The following RGS22 variants were observed in gnomAD, a reference collection of about 807,000 sequenced individuals.
RGS22 encodes regulator of G protein signaling 22.
Under a neutral mutation model 172.9 loss-of-function variants are expected in RGS22, and 148 were observed. That is an observed-to-expected ratio of 0.86 (90% CI 0.75 to 0.98). The LOEUF is 0.98. RGS22 is among the 50% of genes least tolerant of loss of function. RGS22 has a pLI of 0.00. For synonymous variants in RGS22, 458 were observed against 480.2 expected, an observed-to-expected ratio of 0.95 and a Z score of 0.60; for missense variants, 1,347 against 1,440.8, an observed-to-expected ratio of 0.93 and a Z score of 1.05.
At chr8:100,085,244 T>C (rs1812076899) in intron 3 of RGS22, among the ~76,000 whole-genome samples, 1 of 152,332 alleles carries the variant, frequency 6.6e-6, no homozygotes, top group East Asian at 1.9e-4. Flanking sequence ...TGTTAGCTCA[T>C]TCATTTATTC....
chr8:100,009,498 G>A (rs1218753012), intron 14 of RGS22, among the ~76,000 whole-genome samples: 1 of 150,108 alleles, frequency 6.7e-6, no homozygotes, highest in Non-Finnish European at 1.5e-5. Flanking sequence ...ACAAATATCT[G>A]TTCCATTCTA....
At chr8:100,005,873 G>C (rs2131353914) in intron 16 of RGS22, 144 bp downstream of exon 16, 2 of 558,992 alleles carry the variant, frequency 3.6e-6, no homozygotes, top group South Asian at 5.2e-5. Flanking sequence ...CCTGTCAAAT[G>C]CAGCATGCTA....
At chr8:100,080,431 T>C in intron 3 of RGS22, 76 bp from the exon 4 acceptor site, 4 of 1,010,594 alleles carry the variant, frequency 4.0e-6, no homozygotes, top group Non-Finnish European at 2.9e-6. Context: ...ACTTGTGGTT[T>C]ACATACATGC....
chr8:100,090,741 C>T (rs1370780639), intron 3 of RGS22, among the ~76,000 whole-genome samples: 1 of 151,982 alleles, frequency 6.6e-6, no homozygotes, highest in East Asian at 1.9e-4. Context: ...GGTAGAAAGA[C>T]CCTGAGTATA....
At chr8:100,032,192 T>C (rs1267411180) in intron 14 of RGS22, among the ~76,000 whole-genome samples, 2 of 152,172 alleles carry the variant, frequency 1.3e-5, no homozygotes, top group African/African-American at 4.8e-5. Context: ...GTAAATGGGC[T>C]AAATGCCCCA....
intron 14 of RGS22, among the ~76,000 whole-genome samples, chr8:100,014,487 C>A (rs1469384525): frequency 6.6e-6 from 1 of 152,168 alleles, no homozygotes; most frequent in Non-Finnish European, 1.5e-5. Context: ...TCACTAAAAA[C>A]CACATAATCG....
intron 12 of RGS22, among the ~76,000 whole-genome samples, chr8:100,041,351 C>A (rs1269247673): frequency 6.6e-6 from 1 of 151,924 alleles, no homozygotes; most frequent in East Asian, 1.9e-4. Context: ...GTTAGCCAGG[C>A]GTGGTGGTGT....
intron 3 of RGS22, among the ~76,000 whole-genome samples, chr8:100,081,596 T>C (rs1308812029): frequency 6.6e-6 from 1 of 152,006 alleles, no homozygotes; most frequent in Non-Finnish European, 1.5e-5. Flanking sequence ...CTTCAATAGA[T>C]ATATTTCATT....
intron 18 of RGS22, among the ~76,000 whole-genome samples, chr8:100,001,564 A>C (rs1815093255): frequency 1.3e-5 from 2 of 152,138 alleles, no homozygotes; most frequent in South Asian, 4.1e-4. Context: ...CAATCTAATG[A>C]CACTGTAGTT....
intron 6 of RGS22, among the ~76,000 whole-genome samples, chr8:100,067,522 A>T (rs1461833235): frequency 6.6e-6 from 1 of 152,062 alleles, no homozygotes; most frequent in Non-Finnish European, 1.5e-5. Flanking sequence ...GGTCCTTGCT[A>T]TTTCAACTGC....
At chr8:100,029,518 A>G (rs1340090863) in intron 14 of RGS22, among the ~76,000 whole-genome samples, 1 of 152,060 alleles carries the variant, frequency 6.6e-6, no homozygotes, top group Admixed American at 6.6e-5. Flanking sequence ...CCTGACCAGC[A>G]TGGTGAAACC....
rs202105699 is a variant in RGS22, at chr8:100,047,577, G to A, written c.1709C>T (p.Ser570Leu). 2 of 1,608,188 alleles carry A rather than the reference G, an allele frequency of 1.2e-6. No homozygotes were observed. Among genetic ancestry groups the A allele is most frequent in the Non-Finnish European group, 1.7e-6 (2 of 1,178,398 alleles). The change falls in exon 11 of 28, where the codon TCA (serine) becomes TTA (leucine). Residue 570 changes from serine to leucine, a missense_variant. Ser to Leu is a moderately radical substitution (Grantham distance 145). Transcript: ENST00000360863. Reference protein sequence around the residue: ...PEIQKEEFSLSQPPKSPNKSP... With the variant: ...PEIQKEEFSLLQPPKSPNKSP... The stretch of plus-strand genomic sequence containing the variant: ...TTTATTGGGAGATTTAGGAGGTTGT[G>A]ATAAGCTGAATTCTTCTTTCTAAAA...
chr8:100,062,758 A>C lies in RGS22; in HGVS notation c.1353-6T>G, dbSNP rs770969079. The C allele has an allele frequency of 1.8e-5, 29 of 1,591,920 alleles. No individual in the cohort carries two copies. The South Asian group carries it at 3.3e-4, about 18-fold the overall frequency. On this transcript the variant is annotated splice_region_variant and splice_polypyrimidine_tract_variant and intron_variant, in intron 8 of 27. Coordinates refer to ENST00000360863, the MANE Select transcript of RGS22 (RefSeq NM_015668.5). Reference sequence around the variant, plus strand: ...TTTTCATCTTCTCAAGATGTCTGAAATAAAACACATTTCCATATATACACA... The same window carrying C: ...TTTTCATCTTCTCAAGATGTCTGAACTAAAACACATTTCCATATATACACA...
intron 2 of RGS22, among the ~76,000 whole-genome samples, chr8:100,097,178 C>G (rs3101314): frequency 0.16 from 24,943 of 152,050 alleles, 2,755 homozygotes; most frequent in African/African-American, 0.31. Flanking sequence ...AATCAACTGA[C>G]AAGGAGCTTG....
rs556050249 is a variant in RGS22, at chr8:99,996,444, A to G, written c.3018+18T>C. ...GAGCAAAACTTACAAGAGGAAGAATATAACAAACATTACTTGCCTTCCAGA... is the reference window on the plus strand; with the variant it reads ...GAGCAAAACTTACAAGAGGAAGAATGTAACAAACATTACTTGCCTTCCAGA... On this transcript the variant is annotated intron_variant, in intron 20 of 27. Transcript: ENST00000360863. 49 of 1,600,174 alleles carry G rather than the reference A, an allele frequency of 3.1e-5. No homozygotes were observed. The highest frequency in any genetic ancestry group is 5.5e-5 in the South Asian group (5 of 90,598).
intron 22 of RGS22, 52 bp downstream of exon 22, chr8:99,981,885 G>A: frequency 6.7e-7 from 1 of 1,496,808 alleles, no homozygotes. Context: ...ATCTTTAAAA[G>A]GATTGTCAAT....
intron 21 of RGS22, among the ~76,000 whole-genome samples, chr8:99,984,994 G>A (rs1812934840): frequency 6.6e-6 from 1 of 152,100 alleles, no homozygotes; most frequent in Non-Finnish European, 1.5e-5. Flanking sequence ...TTGTACAACT[G>A]GGTTCTTTCC....
At chr8:100,013,902 T>C (rs183965058) in intron 14 of RGS22, among the ~76,000 whole-genome samples, 1 of 152,306 alleles carries the variant, frequency 6.6e-6, no homozygotes, top group East Asian at 1.9e-4. Context: ...CTCAAGTTCC[T>C]ACTAAAAACA....
At chr8:99,981,825 G>T in intron 22 of RGS22, 112 bp downstream of exon 22, 1 of 865,380 alleles carries the variant, frequency 1.2e-6, no homozygotes, top group Non-Finnish European at 1.6e-6. Flanking sequence ...GCCTCCCAAA[G>T]TGCTGGGATT....
Sources: gnomAD v4.1 joint callset for allele counts (sites outside exome capture counted in the v4.1 genomes callset) on GRCh38, gnomAD v4.1.1 for gene constraint, MANE v1.5 for transcripts, NCBI Gene and HGNC (gene_info 2026-07-23, HGNC 2026-07-21) for gene names.